FBXL7: variants seen among roughly 807,000 people sequenced by gnomAD.
FBXL7 encodes the protein F-box/LRR-repeat protein 7.
Under a neutral mutation model 38.3 loss-of-function variants are expected in FBXL7, and 12 were observed. The observed-to-expected ratio is 0.31, with a 90% CI of 0.20 to 0.51. FBXL7 has a LOEUF of 0.51. Among genes scored for constraint, FBXL7 ranks in the 20% least tolerant of loss-of-function variants. The pLI is 0.98. For missense variants in FBXL7, 567 were observed against 676.4 expected (o/e 0.84, Z 1.79); for synonymous variants, 297 against 300.9 (o/e 0.99, Z 0.13).
At chr5:15,755,250 G>A (rs1189764555) in intron 2 of FBXL7, among the ~76,000 whole-genome samples, 1 of 152,174 alleles carries the variant, frequency 6.6e-6, no homozygotes, top group Non-Finnish European at 1.5e-5. Flanking sequence ...ATATGGTACT[G>A]TGGGCATTAA....
At chr5:15,698,024 C>G (rs1236206692) in intron 2 of FBXL7, among the ~76,000 whole-genome samples, 1 of 152,144 alleles carries the variant, frequency 6.6e-6, no homozygotes, top group African/African-American at 2.4e-5. Context: ...AATAATGCAG[C>G]AAGTTGCAAT....
intron 1 of FBXL7, among the ~76,000 whole-genome samples, chr5:15,545,957 G>A (rs560494608): frequency 2.0e-5 from 3 of 152,280 alleles, no homozygotes; most frequent in Admixed American, 6.5e-5. Flanking sequence ...CATTTGAGAT[G>A]TGCCTAATTA....
At chr5:15,621,287 G>A (rs532342063) in intron 2 of FBXL7, among the ~76,000 whole-genome samples, 3 of 152,116 alleles carry the variant, frequency 2.0e-5, no homozygotes, top group Non-Finnish European at 4.4e-5. Context: ...GACACTGTAG[G>A]GGGGGTTGGG....
chr5:15,913,241 T>TC (rs386403102), intron 2 of FBXL7, among the ~76,000 whole-genome samples: 1 of 6,232 alleles, frequency 1.6e-4, no homozygotes, highest in African/African-American at 1.3e-3. Context: ...TCATATTTTC[T>TC]TTTTTTTTTT....
At chr5:15,584,986 C>G (rs982761861) in intron 1 of FBXL7, among the ~76,000 whole-genome samples, 1 of 152,150 alleles carries the variant, frequency 6.6e-6, no homozygotes, top group Admixed American at 6.5e-5. Flanking sequence ...ACAGGTGCAG[C>G]AAAGCTTCAA....
intron 2 of FBXL7, among the ~76,000 whole-genome samples, chr5:15,787,218 A>T (rs1737155388): frequency 6.6e-6 from 1 of 152,242 alleles, no homozygotes; most frequent in Non-Finnish European, 1.5e-5. Flanking sequence ...TTGTTATGGC[A>T]GCCCTAGAAA....
At chr5:15,753,232 T>A (rs1736202534) in intron 2 of FBXL7, among the ~76,000 whole-genome samples, 1 of 152,140 alleles carries the variant, frequency 6.6e-6, no homozygotes, top group Admixed American at 6.5e-5. Context: ...AGCGCTTCAA[T>A]TCTCCTACTT....
intron 1 of FBXL7, among the ~76,000 whole-genome samples, chr5:15,542,791 A>G (rs1367969973): frequency 6.6e-6 from 1 of 152,358 alleles, no homozygotes; most frequent in Admixed American, 6.5e-5. Context: ...TTTTAAAATC[A>G]TAAGATACAT....
intron 2 of FBXL7, among the ~76,000 whole-genome samples, chr5:15,836,843 C>G (rs1350775128): frequency 1.3e-5 from 2 of 152,084 alleles, no homozygotes; most frequent in East Asian, 3.9e-4. Context: ...ATGATGGAAC[C>G]TTAGTGACAA....
At chr5:15,890,325 T>G (rs910746587) in intron 2 of FBXL7, among the ~76,000 whole-genome samples, 1 of 152,164 alleles carries the variant, frequency 6.6e-6, no homozygotes, top group African/African-American at 2.4e-5. Flanking sequence ...ATCTGCTCAC[T>G]GCAACCTCCG....
At chr5:15,868,428 T>G (rs757974287) in intron 2 of FBXL7, among the ~76,000 whole-genome samples, 2 of 152,220 alleles carry the variant, frequency 1.3e-5, no homozygotes, top group Non-Finnish European at 2.9e-5. Context: ...GATAATTCAT[T>G]ACAGCAGCAA....
intron 1 of FBXL7, among the ~76,000 whole-genome samples, chr5:15,601,424 CA>C (rs1284659964): frequency 6.6e-6 from 1 of 152,204 alleles, no homozygotes; most frequent in Non-Finnish European, 1.5e-5. Context: ...TTCAGAAACC[CA>C]GCTGTGAAGC....
Position 15,773,837 on chromosome 5 carries a change from AAGG to A in FBXL7, c.128-154050_128-154048del, listed in dbSNP as rs796339638. On this transcript the variant is annotated intron_variant, in intron 2 of 3. Coordinates refer to ENST00000504595, the MANE Select transcript of FBXL7 (RefSeq NM_012304.5). ...CTACTTGGAACAGGGGGATGAGTGAAAGGAGAATATATTCACTGGATGCCCCGG... is the reference window on the plus strand; with the variant it reads ...CTACTTGGAACAGGGGGATGAGTGAAAGAATATATTCACTGGATGCCCCGG... 3.9e-5 allele frequency among the ~76,000 whole-genome samples: 6 copies of A among 152,264 alleles called. No individual in the cohort carries two copies. The South Asian group carries it at 1.2e-3, about 32-fold the overall frequency.
At chr5:15,592,842 C>T (rs2126482781) in intron 1 of FBXL7, among the ~76,000 whole-genome samples, 1 of 152,112 alleles carries the variant, frequency 6.6e-6, no homozygotes, top group South Asian at 2.1e-4. Context: ...AGTCTGTTTA[C>T]CTCAGATTTT....
At chr5:15,876,962 A>C (rs548732988) in intron 2 of FBXL7, among the ~76,000 whole-genome samples, 4 of 152,280 alleles carry the variant, frequency 2.6e-5, no homozygotes, top group African/African-American at 9.6e-5. Flanking sequence ...CATTCCTCTA[A>C]AGTTTTGTAT....
intron 1 of FBXL7, among the ~76,000 whole-genome samples, chr5:15,554,430 A>C (rs953718314): frequency 6.6e-6 from 1 of 152,240 alleles, no homozygotes; most frequent in Non-Finnish European, 1.5e-5. Flanking sequence ...TTTGCCAGTC[A>C]TTCTAAATGT....
chr5:15,588,319 G>A (rs191256308), intron 1 of FBXL7, among the ~76,000 whole-genome samples: 4 of 151,890 alleles, frequency 2.6e-5, no homozygotes, highest in African/African-American at 4.8e-5. Flanking sequence ...AATTACTGAT[G>A]TGTAAATCAG....
intron 1 of FBXL7, among the ~76,000 whole-genome samples, chr5:15,591,036 A>G (rs975274471): frequency 6.6e-6 from 1 of 152,172 alleles, no homozygotes; most frequent in Admixed American, 6.5e-5. Flanking sequence ...TTATTCCCAT[A>G]GTATTTCATA....
At chr5:15,875,286 A>G (rs1740152833) in intron 2 of FBXL7, among the ~76,000 whole-genome samples, 1 of 152,204 alleles carries the variant, frequency 6.6e-6, no homozygotes, top group Non-Finnish European at 1.5e-5. Context: ...AGATGTAAAC[A>G]TAAGATCTAA....
Sources: gnomAD v4.1 joint callset for allele counts (sites outside exome capture counted in the v4.1 genomes callset) on GRCh38, gnomAD v4.1.1 for gene constraint, MANE v1.5 for transcripts, NCBI Gene and HGNC (gene_info 2026-07-23, HGNC 2026-07-21) for gene names.